STAU2: variants seen among roughly 807,000 people sequenced by gnomAD.
The protein encoded by STAU2 is double-stranded RNA-binding protein Staufen homolog 2.
Under a neutral mutation model 65.9 loss-of-function variants are expected in STAU2, and 20 were observed. That is an observed-to-expected ratio of 0.30 (90% CI 0.21 to 0.44). The LOEUF (loss-of-function observed/expected upper bound fraction) is 0.44. Among genes scored for constraint, STAU2 ranks in the 20% least tolerant of loss-of-function variants. The probability of loss-of-function intolerance (pLI) is 1.00; values close to 1 mark genes in which losing one functional copy is unlikely to be tolerated. For missense variants in STAU2, 558 were observed against 683.9 expected, an observed-to-expected ratio of 0.82 and a Z score of 2.05; for synonymous variants, 232 against 233.9, an observed-to-expected ratio of 0.99 and a Z score of 0.07.
At chr8:73,675,379 A>C (rs1248385514) in intron 5 of STAU2, 1 of 151,544 alleles carries the variant, frequency 6.6e-6, no homozygotes, top group East Asian at 1.9e-4. Context: ...ATACACACAC[A>C]CACACACACA....
chr8:73,422,504 G>T, intron 14 of STAU2, 110 bp downstream of exon 14: 2 of 728,896 alleles, frequency 2.7e-6, no homozygotes, highest in Non-Finnish European at 2.1e-6. Flanking sequence ...ATTAATAATT[G>T]TGTAAGATGT....
At chr8:73,725,795 T>C (rs1413634795) in intron 3 of STAU2, among the ~76,000 whole-genome samples, 1 of 152,112 alleles carries the variant, frequency 6.6e-6, no homozygotes, top group Non-Finnish European at 1.5e-5. Context: ...TAGCCGGATA[T>C]AGTGGTGCAT....
intron 6 of STAU2, among the ~76,000 whole-genome samples, chr8:73,647,485 C>T (rs925036402): frequency 4.3e-4 from 65 of 151,908 alleles, no homozygotes; most frequent in Admixed American, 3.9e-4. Context: ...TTCATGGTTG[C>T]CAAGGGCTAG....
chr8:73,433,664 G>T (rs60641192), intron 13 of STAU2, among the ~76,000 whole-genome samples: 1 of 151,398 alleles, frequency 6.6e-6, no homozygotes, highest in South Asian at 2.1e-4. Context: ...CTATGCCTGA[G>T]AAATTTTTGT....
chr8:73,743,240 TAACA>T (rs1563543225), intron 1 of STAU2, among the ~76,000 whole-genome samples: 1 of 151,210 alleles, frequency 6.6e-6, no homozygotes, highest in African/African-American at 2.4e-5. Context: ...AAAAGGAAAC[TAACA>T]TTTTTCAGAC....
chr8:73,745,466 ACCC>A (rs1421440112), intron 1 of STAU2, among the ~76,000 whole-genome samples: 8 of 152,326 alleles, frequency 5.3e-5, no homozygotes, highest in African/African-American at 1.7e-4. Flanking sequence ...GGTTACTATC[ACCC>A]TGCCTGTCCA....
intron 6 of STAU2, among the ~76,000 whole-genome samples, chr8:73,662,599 TTTGTTGTTG>T (rs370019142): frequency 2.7e-5 from 4 of 150,584 alleles, no homozygotes; most frequent in South Asian, 2.1e-4. Context: ...TTCAGGGGTT[TTTGTTGTTG>T]TTGTTGTTGT....
intron 5 of STAU2, among the ~76,000 whole-genome samples, chr8:73,686,068 G>A (rs1419957446): frequency 6.6e-6 from 1 of 151,920 alleles, no homozygotes; most frequent in East Asian, 1.9e-4. Context: ...AAAACCAAAT[G>A]TAGTATGTTC....
intron 6 of STAU2, among the ~76,000 whole-genome samples, chr8:73,667,009 G>A (rs1194198873): frequency 1.3e-5 from 2 of 152,120 alleles, no homozygotes; most frequent in African/African-American, 4.8e-5. Flanking sequence ...ATGCAACATA[G>A]TGCAAATTAA....
chr8:73,427,048 C>A (rs1319187717), intron 13 of STAU2, among the ~76,000 whole-genome samples: 1 of 151,660 alleles, frequency 6.6e-6, no homozygotes, highest in Non-Finnish European at 1.5e-5. Context: ...CCTGCCTCAG[C>A]CTCCCGAGTA....
intron 13 of STAU2, among the ~76,000 whole-genome samples, chr8:73,454,512 T>C (rs1444899270): frequency 6.6e-6 from 1 of 152,208 alleles, no homozygotes; most frequent in African/African-American, 2.4e-5. Flanking sequence ...GGATGTTTTC[T>C]CAATCCCTGA....
intron 6 of STAU2, chr8:73,652,178 A>G (rs1047679213): frequency 6.6e-6 from 1 of 151,910 alleles, no homozygotes. Context: ...TGGAAGGGGG[A>G]AAAAAAAGAA....
intron 12 of STAU2, among the ~76,000 whole-genome samples, chr8:73,565,567 T>A (rs866894025): frequency 6.6e-6 from 1 of 152,200 alleles, no homozygotes; most frequent in African/African-American, 2.4e-5. Flanking sequence ...ATATTTGTTA[T>A]TGTTTGTTTT....
chr8:73,539,232 G>A (rs970736105), intron 13 of STAU2, among the ~76,000 whole-genome samples: 21 of 152,108 alleles, frequency 1.4e-4, no homozygotes, highest in Admixed American at 1.2e-3. Context: ...AACATTACTT[G>A]CCATAGAATA....
chr8:73,689,490 T>G (rs1819175222), intron 4 of STAU2, among the ~76,000 whole-genome samples: 1 of 152,184 alleles, frequency 6.6e-6, no homozygotes, highest in Non-Finnish European at 1.5e-5. Context: ...CAACATCAGG[T>G]TAAAACCCTT....
intron 13 of STAU2, among the ~76,000 whole-genome samples, chr8:73,431,467 T>A (rs965461037): frequency 6.6e-6 from 1 of 152,244 alleles, no homozygotes; most frequent in African/African-American, 2.4e-5. Flanking sequence ...CCTTTCCTTA[T>A]TCCTGTCTTT....
At chr8:73,746,613 G>C (rs1392095945) in intron 1 of STAU2, among the ~76,000 whole-genome samples, 170 bp downstream of exon 1, 20 of 148,204 alleles carry the variant, frequency 1.3e-4, no homozygotes, top group African/African-American at 4.9e-4. Flanking sequence ...CTGCTGCCCC[G>C]AGAGCCCGAT....
At chr8:73,639,558 G>A (rs1450946599) in intron 6 of STAU2, among the ~76,000 whole-genome samples, 3 of 152,060 alleles carry the variant, frequency 2.0e-5, no homozygotes, top group Admixed American at 6.6e-5. Context: ...CCTCATGCTC[G>A]ACAACCTTCT....
rs957046102 is a variant in STAU2, at chr8:73,435,895, C to A, written c.1531-13193G>T. ...AGAGGGACCTGAGGGAAGCACCTCT[C>A]GCCCGAGAGGAGCCTGGGTCTGTAG... On this transcript the variant is annotated intron_variant, in intron 13 of 14. Transcript: ENST00000524300. 5.3e-5 allele frequency among the ~76,000 whole-genome samples: 8 copies of A among 151,798 alleles called. No homozygotes were observed. In the East Asian group the frequency reaches 1.5e-3, roughly 29 times the overall value.
Sources: allele counts gnomAD v4.1 joint callset (sites outside exome capture counted in the v4.1 genomes callset), GRCh38; gene constraint gnomAD v4.1.1; transcripts MANE v1.5; gene names NCBI Gene and HGNC (gene_info 2026-07-23, HGNC 2026-07-21).